Variants in PER1 observed in about 807,000 individuals in gnomAD.
PER1 encodes period circadian protein homolog 1.
Under a neutral mutation model 125.9 loss-of-function variants are expected in PER1, and 87 were observed. The observed-to-expected ratio is 0.69, with a 90% CI of 0.58 to 0.83. The LOEUF is 0.83. PER1 is among the 40% of genes least tolerant of loss of function. PER1 has a pLI of 0.00. For missense variants in PER1, 1,775 were observed against 1,722.8 expected (o/e 1.03, Z -0.54); for synonymous variants, 801 against 714.7 (o/e 1.12, Z -1.93).
chr17:8,141,927 G>T lies in PER1; in HGVS notation c.3478C>A (p.Arg1160=), dbSNP rs142812822. 6.2e-7 allele frequency: 1 copy of T among 1,613,854 alleles called. No homozygotes were observed. Among genetic ancestry groups the T allele is most frequent in the Non-Finnish European group, 8.5e-7 (1 of 1,180,018 alleles). ...RDMTSVLKQD[R]ERLRAMQKQQ... ...TTCTGCATGGCTCGGAGCCGCTCCC[G>T]ATCCTGCTTCAGCACAGAGGTCATG... Residue 1160 remains arginine (R), a synonymous_variant, in exon 22 of 23, where the codon CGG becomes AGG. Coordinates refer to ENST00000317276, the MANE Select transcript of PER1 (RefSeq NM_002616.3).
intron 1 of PER1, among the ~76,000 whole-genome samples, 170 bp from the exon 2 acceptor site, chr17:8,151,015 G>A (rs898412759): frequency 2.0e-5 from 3 of 152,176 alleles, no homozygotes; most frequent in Non-Finnish European, 4.4e-5. Flanking sequence ...GTACCCTTAG[G>A]GGGACTGCCA....
chr17:8,146,098 G>T lies in PER1; in HGVS notation c.2078C>A (p.Pro693Gln). 4 of 1,611,936 alleles carry T rather than the reference G, an allele frequency of 2.5e-6. No homozygotes were observed. The highest frequency in any genetic ancestry group is 3.4e-6 in the Non-Finnish European group (4 of 1,178,968). Residue 693 changes from proline to glutamine, a missense_variant, in exon 17 of 23, where the codon CCA (proline) becomes CAA (glutamine). Coordinates refer to ENST00000317276, the MANE Select transcript of PER1 (RefSeq NM_002616.3). ...GCCTCCCACCACTGGCTCCTTCCGT[G>T]GGGTGGCCCCCTCCCCAGACAGCGC... The part of the protein sequence containing the change: ...SAALSGEGAT[P>Q]RKEPVVGGTL...
At chr17:8,141,588 C>T (rs533190732) in intron 22 of PER1, among the ~76,000 whole-genome samples, 2 of 152,184 alleles carry the variant, frequency 1.3e-5, no homozygotes, top group African/African-American at 2.4e-5. Context: ...CAAAGACTCA[C>T]GCGGCTTAAT....
intron 20 of PER1, 50 bp from the exon 21 acceptor site, chr17:8,142,508 C>T (rs998563168): frequency 1.3e-6 from 2 of 1,547,288 alleles, no homozygotes; most frequent in African/African-American, 1.4e-5. Flanking sequence ...TGCATGCCCA[C>T]TCCTGGGACC....
Position 8,146,446 on chromosome 17 carries a change from G to A in PER1, c.1964C>T (p.Ser655Phe), listed in dbSNP as rs773069792. ...STTKRKCASS[S>F]SYTTSSASDD... ...AGAGGCTGAGGAGGTGGTATAGGAG[G>A]AGGAGGAGGCACATTTACGCTTAGT... Residue 655 changes from serine to phenylalanine, a missense_variant, in exon 16 of 23, where the codon TCC becomes TTC. Ser to Phe is a radical substitution (Grantham distance 155). Transcript: ENST00000317276. 3.1e-6 allele frequency: 5 copies of A among 1,613,726 alleles called. No homozygotes were observed. The African/African-American group carries it at 4.0e-5, about 13-fold the overall frequency.
chr17:8,142,813 T>C lies in PER1; in HGVS notation c.3095A>G (p.Asn1032Ser), dbSNP rs755775900. Residue 1032 changes from asparagine to serine, a missense_variant, in exon 20 of 23, where the codon AAT becomes AGT. Asn to Ser is a conservative substitution (Grantham distance 46). Coordinates refer to ENST00000317276, the MANE Select transcript of PER1 (RefSeq NM_002616.3). ...ACTGGAGCCGGAAAGTGCGTCCTGA[T>C]TGGAGGACTCAGTGACCTCCGCCTG... ...ARLAEVTESS[N>S]QDALSGSSDL... is the part of the protein sequence containing the mutation. The C allele has an allele frequency of 1.3e-5, 21 of 1,608,636 alleles. No individual in the cohort carries two copies. In the Admixed American group the frequency reaches 2.0e-4, roughly 15 times the overall value.
chr17:8,141,914 C>T lies in PER1; in HGVS notation c.3491G>A (p.Arg1164Gln), dbSNP rs776968404. ...SVLKQDRERL[R>Q]AMQKQQPRFS... ...CCGAGGCTGCTGCTTCTGCATGGCT[C>T]GGAGCCGCTCCCGATCCTGCTTCAG... The change falls in exon 22 of 23, where the codon CGA becomes CAA. Residue 1164 changes from arginine (R) to glutamine (Q), a missense_variant. By Grantham distance (43) the Arg-to-Gln change is conservative. Transcript: ENST00000317276. 12 of 1,613,944 alleles carry T rather than the reference C, an allele frequency of 7.4e-6. No homozygotes were observed. Among genetic ancestry groups the T allele is most frequent in the South Asian group, 4.4e-5 (4 of 91,080 alleles).
At position 8,142,769 on chromosome 17, in the gene PER1, G is replaced by T; in HGVS notation, c.3139C>A (p.Leu1047Met). Residue 1047 changes from leucine to methionine, a missense_variant, in exon 20 of 23, where the codon CTG (leucine) becomes ATG (methionine). Coordinates refer to ENST00000317276, the MANE Select transcript of PER1 (RefSeq NM_002616.3). ...SGSSDLLELL[L>M]QEDSRSGTGS... ...GTGCCGGAGCGCGAGTCCTCTTGCA[G>T]CAGAAGTTCGAGCAGGTCACTGGAG... The T allele has an allele frequency of 6.2e-7, 1 of 1,613,666 alleles. No homozygotes were observed. Among genetic ancestry groups the T allele is most frequent in the Non-Finnish European group, 8.5e-7 (1 of 1,179,982 alleles).
chr17:8,145,143 TC>T, intron 17 of PER1, 150 bp from the exon 18 acceptor site: 3 of 804,576 alleles, frequency 3.7e-6, no homozygotes, highest in Non-Finnish European at 5.2e-6. Context: ...CTTGGTCACC[TC>T]TCTGCCAACG....
intron 16 of PER1, 49 bp downstream of exon 16, chr17:8,146,323 C>T (rs755160369): frequency 2.1e-5 from 33 of 1,554,464 alleles, no homozygotes; most frequent in Non-Finnish European, 2.8e-5. Flanking sequence ...AGACACAGGG[C>T]CACCAGGCCA....
chr17:8,140,647 C>A lies in PER1; in HGVS notation c.*421G>T. On this transcript the variant is annotated 3_prime_UTR_variant, in exon 23 of 23. Transcript: ENST00000317276. Reference sequence around the variant, plus strand: ...CAGAGCAGCTAGGGGCTGGAACCCCCGGGTCCTGCTTGGGCCTCAGGCTCT... The same window carrying A: ...CAGAGCAGCTAGGGGCTGGAACCCCAGGGTCCTGCTTGGGCCTCAGGCTCT... 4.0e-6 allele frequency: 1 copy of A among 247,462 alleles called. No individual in the cohort carries two copies. Among genetic ancestry groups the A allele is most frequent in the Non-Finnish European group, 8.0e-6 (1 of 125,300 alleles). The allele number at this position is 247,462 out of a possible 1,614,324, so 15.3% of individuals were successfully genotyped here.
In PER1 at chr17:8,144,691, C is replaced by G. The variant is rs574636159; in HGVS notation, c.2461+60G>C. 3.3e-5 allele frequency: 50 copies of G among 1,536,978 alleles called. No homozygotes were observed. In the East Asian group the frequency reaches 1.2e-3, roughly 36 times the overall value. On this transcript the variant is annotated intron_variant, in intron 18 of 22. Coordinates refer to ENST00000317276, the MANE Select transcript of PER1 (RefSeq NM_002616.3). ...GAAACACCTCCCTTAAGACCCACCC[C>G]CCAACAATCCAGTCCTAGACTGGGC...
chr17:8,149,940 A>C (rs757120765), intron 4 of PER1, 31 bp downstream of exon 4: 9 of 1,613,788 alleles, frequency 5.6e-6, no homozygotes, highest in African/African-American at 1.3e-5. Flanking sequence ...GCCCAGGCCC[A>C]GGCCATTCCC....
chr17:8,150,847 T>A lies in PER1; in HGVS notation c.-139-2A>T. ...GAGAAGTTCGATCACAGCCAGTACC[T>A]GGAGAGGGAGACCAGGAAGCAGGGC... On this transcript the variant is annotated splice_acceptor_variant, in intron 1 of 22. Coordinates refer to ENST00000317276, the MANE Select transcript of PER1 (RefSeq NM_002616.3). LOFTEE classifies it low-confidence loss of function (5UTR_SPLICE). 1 of 718,492 alleles carries A rather than the reference T, an allele frequency of 1.4e-6. No homozygotes were observed. The highest frequency in any genetic ancestry group is 2.2e-6 in the Non-Finnish European group (1 of 459,476). The allele number at this position is 718,492 out of a possible 1,614,324, so 44.5% of individuals were successfully genotyped here. A position where few individuals can be genotyped will look rare whatever the true frequency, so the allele number is the denominator to read the frequency against.
intron 16 of PER1, 94 bp downstream of exon 16, chr17:8,146,278 G>A (rs756798528): frequency 5.0e-5 from 76 of 1,531,874 alleles, no homozygotes; most frequent in Non-Finnish European, 6.4e-5. Context: ...GAGGAGAGCA[G>A]GGCAGAGCAA....
rs1359173717 is a variant in PER1 at position 8,148,854 on chromosome 17, C to T, written c.906-68G>A. The T allele has an allele frequency of 3.8e-6, 6 of 1,573,134 alleles. No homozygotes were observed. The East Asian group carries it at 9.0e-5, about 24-fold the overall frequency. ...CCACCCACTCCTCCAACAATAAGGT[C>T]ACAGCAGACAACAGCAAAGACGCTG... is the stretch of plus-strand genomic sequence containing the variant. On this transcript the variant is annotated intron_variant, in intron 7 of 22. Coordinates refer to ENST00000317276, the MANE Select transcript of PER1 (RefSeq NM_002616.3).
intron 10 of PER1, 53 bp downstream of exon 10, chr17:8,147,944 C>T: frequency 1.3e-6 from 2 of 1,583,358 alleles, no homozygotes; most frequent in East Asian, 2.3e-5. Flanking sequence ...ACAAGGGCAG[C>T]CACTCAAAAG....
At position 8,144,786 on chromosome 17, in the gene PER1, C is replaced by A. The variant is rs1207364865; in HGVS notation, c.2426G>T (p.Ser809Ile). The A allele has an allele frequency of 6.3e-7, 1 of 1,581,516 alleles. No homozygotes were observed. Among genetic ancestry groups the A allele is most frequent in the East Asian group, 2.3e-5 (1 of 43,310 alleles). ...AAGGGCTGAGGGAGCTGTGGAAGAG[C>A]TGTCGAGTCCACGCAGCCTGCCCAG... ...RDLGRLRGLD[S>I]SSTAPSALGE... The change falls in exon 18 of 23, where the codon AGC (serine) becomes ATC (isoleucine). Residue 809 changes from serine (S) to isoleucine (I), a missense_variant. By Grantham distance (142) the Ser-to-Ile change is moderately radical. Coordinates refer to ENST00000317276, the MANE Select transcript of PER1 (RefSeq NM_002616.3).
Position 8,149,990 on chromosome 17 carries a change from G to A in PER1, c.510C>T (p.Ala170=). 6.2e-7 allele frequency: 1 copy of A among 1,614,052 alleles called. No individual in the cohort carries two copies. The highest frequency in any genetic ancestry group is 1.1e-5 in the South Asian group (1 of 91,088). ...ACTTACCCTGCACCTGCTTGACACA[G>A]GCCAGTGCGTACTGCAGCGTGGCCA... The part of the protein sequence containing the change: ...GTLATLQYAL[A]CVKQVQANQE... The change falls in exon 4 of 23, where the codon GCC becomes GCT. Residue 170 remains alanine, a synonymous_variant. Coordinates refer to ENST00000317276, the MANE Select transcript of PER1 (RefSeq NM_002616.3).
Sources: allele counts gnomAD v4.1 joint callset (sites outside exome capture counted in the v4.1 genomes callset), GRCh38; gene constraint gnomAD v4.1.1; transcripts MANE v1.5; gene names NCBI Gene and HGNC (gene_info 2026-07-23, HGNC 2026-07-21).